POLR2J: variants seen among roughly 807,000 people sequenced by gnomAD.
POLR2J encodes RNA polymerase II subunit J.
A neutral mutation model predicts 13.4 loss-of-function variants in POLR2J; 12 were observed. The ratio of observed to expected loss-of-function variants is 0.90; its 90% CI spans 0.57 to 1.45. The LOEUF is 1.45. POLR2J is among the 40% of genes most tolerant of loss of function. POLR2J has a pLI of 0.00. For synonymous variants in POLR2J, 31 were observed against 53.6 expected, an observed-to-expected ratio of 0.58 and a Z score of 1.84; for missense variants, 58 against 132.0, an observed-to-expected ratio of 0.44 and a Z score of 2.75.
rs551978216 is a variant in POLR2J, at chr7:102,473,833, T to G, written c.319-149A>C. 2.7e-4 allele frequency: 393 copies of G among 1,459,516 alleles called. 1 individual carries two copies. The African/African-American group carries it at 5.2e-3, about 19-fold the overall frequency. The allele number at this position is 1,459,516 out of a possible 1,614,324, so 90.4% of individuals were successfully genotyped here. Reference sequence around the variant, plus strand: ...GGACAGTGGAGCAGCCAAAGGGCCCTCCCAGCTGGCCCAATCCAGCCATTC... The same window carrying G: ...GGACAGTGGAGCAGCCAAAGGGCCCGCCCAGCTGGCCCAATCCAGCCATTC... On this transcript the variant is annotated intron_variant, in intron 3 of 3. Transcript: ENST00000292614.
intron 2 of POLR2J, among the ~76,000 whole-genome samples, chr7:102,475,202 G>A (rs940050072): frequency 2.6e-5 from 4 of 152,226 alleles, no homozygotes; most frequent in African/African-American, 7.2e-5. Context: ...CCATCCCTGC[G>A]CCTGCCCACA....
chr7:102,475,761 A>G (rs1435689411), intron 2 of POLR2J, among the ~76,000 whole-genome samples: 1 of 151,236 alleles, frequency 6.6e-6, no homozygotes, highest in East Asian at 1.9e-4. Context: ...ATCTCTACTA[A>G]AAACACAAAA....
rs746874775 is a variant in POLR2J at position 102,478,880 on chromosome 7, C to G, written c.-20G>C. The G allele has an allele frequency of 1.2e-6, 2 of 1,610,594 alleles. No homozygotes were observed. The highest frequency in any genetic ancestry group is 1.1e-5 in the South Asian group (1 of 90,986). On this transcript the variant is annotated 5_prime_UTR_variant, in exon 1 of 4. Coordinates refer to ENST00000292614, the MANE Select transcript of POLR2J (RefSeq NM_006234.6). ...GTTCATGCTCCCGCCGCCGTTGCGT[C>G]CAGACCCCAAGGGTCCGCCGCCGCC... is the stretch of plus-strand genomic sequence containing the variant.
Position 102,473,213 on chromosome 7 carries a change from G to GCTTTGACTGACAGGCAGGCCC in POLR2J, c.*415_*435dup. On this transcript the variant is annotated 3_prime_UTR_variant, in exon 4 of 4. Coordinates refer to ENST00000292614, the MANE Select transcript of POLR2J (RefSeq NM_006234.6). ...GAGTTATGCAGGAAGAAGTGTTCCT[G>GCTTTGACTGACAGGCAGGCCC]CTTTGACTGACAGGCAGGCCCAGGA... 2.4e-6 allele frequency: 2 copies of GCTTTGACTGACAGGCAGGCCC among 849,114 alleles called. No homozygotes were observed. Among genetic ancestry groups the GCTTTGACTGACAGGCAGGCCC allele is most frequent in the South Asian group, 3.7e-5 (2 of 53,832 alleles). 52.6% of individuals were successfully genotyped at this position (849,114 alleles called of 1,614,324 possible). A position where few individuals can be genotyped will look rare whatever the true frequency, so the allele number is the denominator to read the frequency against.
chr7:102,476,585 G>A (rs940987031), intron 1 of POLR2J, among the ~76,000 whole-genome samples: 1 of 139,190 alleles, frequency 7.2e-6, no homozygotes, highest in African/African-American at 2.8e-5. Context: ...GTTGCAGTGA[G>A]CCGAGATCAT....
At chr7:102,476,822 G>T in intron 1 of POLR2J, among the ~76,000 whole-genome samples, 3 of 77,632 alleles carry the variant, frequency 3.9e-5, no homozygotes, top group African/African-American at 8.8e-5. Flanking sequence ...GTTTTGCCTT[G>T]TTGTCCTCGC....
rs765700328 is a variant in POLR2J, at chr7:102,476,238, T to G, written c.86A>C (p.Asn29Thr). The change falls in exon 2 of 4, where the codon AAT (asparagine) becomes ACT (threonine). Residue 29 changes from asparagine to threonine, a missense_variant. Asn to Thr is a moderately conservative substitution (Grantham distance 65). Transcript: ENST00000292614. ...TTTGTTGATGGTGAATAAACAGGCATTGGGTACCTTGGTGTCCTTGTTAAT... is the reference window on the plus strand; with the variant it reads ...TTTGTTGATGGTGAATAAACAGGCAGTGGGTACCTTGGTGTCCTTGTTAAT... ...ITINKDTKVP[N>T]ACLFTINKED... The G allele has an allele frequency of 1.1e-6, 1 of 883,128 alleles. No homozygotes were observed. The highest frequency in any genetic ancestry group is 1.7e-5 in the African/African-American group (1 of 58,596). The allele number at this position is 883,128 out of a possible 1,614,324, so 54.7% of individuals were successfully genotyped here. A position where few individuals can be genotyped will look rare whatever the true frequency, so the allele number is the denominator to read the frequency against.
At chr7:102,473,748 A>G (rs1014552265) in intron 3 of POLR2J, 64 bp from the exon 4 acceptor site, 3 of 1,606,064 alleles carry the variant, frequency 1.9e-6, no homozygotes, top group Non-Finnish European at 2.5e-6. Flanking sequence ...CTGGAAACAC[A>G]TGCCCAGCAT....
At position 102,473,526 on chromosome 7, in the gene POLR2J, A is replaced by G. The variant is rs1586747543; in HGVS notation, c.*123T>C. 6.9e-7 allele frequency: 1 copy of G among 1,449,630 alleles called. No homozygotes were observed. The highest frequency in any genetic ancestry group is 1.4e-5 in the African/African-American group (1 of 71,262). 89.8% of individuals were successfully genotyped at this position (1,449,630 alleles called of 1,614,324 possible). On this transcript the variant is annotated 3_prime_UTR_variant, in exon 4 of 4. Coordinates refer to ENST00000292614, the MANE Select transcript of POLR2J (RefSeq NM_006234.6). ...TACAGGACACGTCGGTGTCAGGGTG[A>G]GGGGTGGCCACAAGGCGGGCCATGG...
intron 1 of POLR2J, among the ~76,000 whole-genome samples, chr7:102,476,524 T>C (rs1169903619): frequency 2.7e-5 from 4 of 148,968 alleles, no homozygotes; most frequent in African/African-American, 7.6e-5. Flanking sequence ...CCTGTAGTCC[T>C]AGCTACTTGG....
chr7:102,474,121 C>T (rs1798337122), intron 3 of POLR2J: 2 of 1,487,384 alleles, frequency 1.3e-6, no homozygotes, highest in African/African-American at 1.4e-5. Context: ...ATCTGGCCCA[C>T]AGCACCCGAG....
chr7:102,478,863 T>G lies in POLR2J; in HGVS notation c.-3A>C. ...TCGAAGGCTGGAGGGGCGTTCATGCTCCCGCCGCCGTTGCGTCCAGACCCC... is the reference window on the plus strand; with the variant it reads ...TCGAAGGCTGGAGGGGCGTTCATGCGCCCGCCGCCGTTGCGTCCAGACCCC... On this transcript the variant is annotated 5_prime_UTR_variant, in exon 1 of 4. Transcript: ENST00000292614. 6.2e-7 allele frequency: 1 copy of G among 1,610,356 alleles called. No individual in the cohort carries two copies. Among genetic ancestry groups the G allele is most frequent in the Non-Finnish European group, 8.5e-7 (1 of 1,179,646 alleles).
rs1037816083 is a variant in POLR2J at position 102,473,192 on chromosome 7, T to G, written c.*457A>C. On this transcript the variant is annotated 3_prime_UTR_variant, in exon 4 of 4. Transcript: ENST00000292614. ...AAGCCTGTGGAAAGGTGTTTCGAGT[T>G]ATGCAGGAAGAAGTGTTCCTGCTTT... 9.1e-6 allele frequency: 9 copies of G among 991,750 alleles called. No homozygotes were observed. The African/African-American group carries it at 1.3e-4, about 14-fold the overall frequency. The allele number at this position is 991,750 out of a possible 1,614,324, so 61.4% of individuals were successfully genotyped here.
In POLR2J at chr7:102,473,407, T is replaced by C; in HGVS notation, c.*242A>G. On this transcript the variant is annotated 3_prime_UTR_variant, in exon 4 of 4. Coordinates refer to ENST00000292614, the MANE Select transcript of POLR2J (RefSeq NM_006234.6). ...ACAGGTCATCTGCCTGCATCAAGCC[T>C]GACAATCCATTTGCTTGCGAAGTCA... 1.6e-6 allele frequency: 1 copy of C among 612,276 alleles called. No homozygotes were observed. Among genetic ancestry groups the C allele is most frequent in the Non-Finnish European group, 2.7e-6 (1 of 366,042 alleles). The allele number at this position is 612,276 out of a possible 1,614,324, so 37.9% of individuals were successfully genotyped here. A position where few individuals can be genotyped will look rare whatever the true frequency, so the allele number is the denominator to read the frequency against.
Position 102,473,416 on chromosome 7 carries a change from A to G in POLR2J, c.*233T>C, listed in dbSNP as rs1798293890. On this transcript the variant is annotated 3_prime_UTR_variant, in exon 4 of 4. Transcript: ENST00000292614. ...CTGCCTGCATCAAGCCTGACAATCC[A>G]TTTGCTTGCGAAGTCACCGCTGCTC... is the stretch of plus-strand genomic sequence containing the variant. 1.7e-6 allele frequency: 1 copy of G among 587,080 alleles called. No homozygotes were observed. Among genetic ancestry groups the G allele is most frequent in the Non-Finnish European group, 2.8e-6 (1 of 362,178 alleles). 36.4% of individuals were successfully genotyped at this position (587,080 alleles called of 1,614,324 possible). A position where few individuals can be genotyped will look rare whatever the true frequency, so the allele number is the denominator to read the frequency against.
rs1446109118 is a variant in POLR2J, at chr7:102,478,921, A to C, written c.-61T>G. On this transcript the variant is annotated 5_prime_UTR_variant, in exon 1 of 4. Transcript: ENST00000292614. ...CGCCGCCGCCGCCACCAGAGCCCTA[A>C]TAAGAGGCCTCTTCCGGATTACTCC... is the stretch of plus-strand genomic sequence containing the variant. 6.2e-7 allele frequency: 1 copy of C among 1,604,568 alleles called. No homozygotes were observed. The highest frequency in any genetic ancestry group is 1.3e-5 in the African/African-American group (1 of 74,512).
At chr7:102,474,255 CCT>C in intron 3 of POLR2J, 104 bp downstream of exon 3, 1 of 1,605,232 alleles carries the variant, frequency 6.2e-7, no homozygotes. Context: ...ATCACTGCCG[CCT>C]CTCCCCCAGG....
intron 3 of POLR2J, chr7:102,474,103 C>T (rs958363121): frequency 1.4e-6 from 2 of 1,475,610 alleles, no homozygotes; most frequent in East Asian, 2.5e-5. Context: ...CAGTAGGTCC[C>T]CGCCCCGATC....
At chr7:102,478,658 G>C (rs1174629179) in intron 1 of POLR2J, 150 bp downstream of exon 1, 2 of 1,440,140 alleles carry the variant, frequency 1.4e-6, no homozygotes, top group East Asian at 2.5e-5. Flanking sequence ...ACTGCCTCGC[G>C]GAACGGCCTT....
Sources: gnomAD v4.1 joint callset for allele counts (sites outside exome capture counted in the v4.1 genomes callset) on GRCh38, gnomAD v4.1.1 for gene constraint, MANE v1.5 for transcripts, NCBI Gene and HGNC (gene_info 2026-07-23, HGNC 2026-07-21) for gene names.